Variants in RAD54L2 observed in about 807,000 individuals in gnomAD.
The protein encoded by RAD54L2 is helicase ARIP4.
RAD54L2 carries 27 observed loss-of-function variants against 138.4 expected under a neutral mutation model. The ratio of observed to expected loss-of-function variants is 0.20; its 90% CI spans 0.14 to 0.27. RAD54L2 has a LOEUF of 0.27. Ranked by LOEUF, RAD54L2 falls within the 10% of genes least tolerant of loss-of-function variation. RAD54L2 has a pLI of 1.00. For synonymous variants in RAD54L2, 644 were observed against 723.2 expected, an observed-to-expected ratio of 0.89 and a Z score of 1.76; for missense variants, 1,396 against 1,890.2, an observed-to-expected ratio of 0.74 and a Z score of 4.85.
intron 3 of RAD54L2, among the ~76,000 whole-genome samples, chr3:51,592,763 C>G (rs1216252627): frequency 6.6e-6 from 1 of 152,028 alleles, no homozygotes; most frequent in Non-Finnish European, 1.5e-5. Context: ...TTAGTAGAGA[C>G]AGGGTTTCAC....
At chr3:51,562,641 T>C (rs1699125451) in intron 2 of RAD54L2, among the ~76,000 whole-genome samples, 1 of 152,230 alleles carries the variant, frequency 6.6e-6, no homozygotes, top group Non-Finnish European at 1.5e-5. Flanking sequence ...AGTGCTGGGA[T>C]TACAGGCATG....
At position 51,638,339 on chromosome 3, in the gene RAD54L2, G is replaced by T. The variant is rs1701041533; in HGVS notation, c.1860+18G>T. The T allele has an allele frequency of 6.2e-7, 1 of 1,612,690 alleles. No individual in the cohort carries two copies. The highest frequency in any genetic ancestry group is 1.1e-5 in the South Asian group (1 of 91,018). On this transcript the variant is annotated intron_variant, in intron 12 of 22. Transcript: ENST00000684192. This position sits in a 1 kb window ranked among gnomAD's most constrained non-coding sequence, Gnocchi z 4.3. ...GTTGCAAGGTGCATTGGGGCCTCAG[G>T]GAAGATTGAGATGGGGACTAAGGAT...
At chr3:51,543,540 G>A (rs555324809) in intron 2 of RAD54L2, among the ~76,000 whole-genome samples, 2 of 151,548 alleles carry the variant, frequency 1.3e-5, no homozygotes, top group South Asian at 2.1e-4. Context: ...CCTAGGAGGC[G>A]GAGGTTGCGG....
intron 2 of RAD54L2, among the ~76,000 whole-genome samples, chr3:51,585,014 C>T (rs1206830885): frequency 6.6e-6 from 1 of 151,578 alleles, no homozygotes; most frequent in Non-Finnish European, 1.5e-5. Flanking sequence ...CAAAAAAGCC[C>T]AGCCCAGGCT....
In RAD54L2 at chr3:51,538,909, G is replaced by A. The variant is rs1268058708; in HGVS notation, c.-123G>A. 6.6e-6 allele frequency among the ~76,000 whole-genome samples: 1 copy of A among 152,158 alleles called. No homozygotes were observed. Among genetic ancestry groups the A allele is most frequent in the Non-Finnish European group, 1.5e-5 (1 of 68,008 alleles). ...GTCCGGCGCGGCCCGGAGCCGCGGC[G>A]CAGGAGGTGAGACGCCGGTGCCGGT... On this transcript the variant is annotated 5_prime_UTR_variant, in exon 1 of 23. Coordinates refer to ENST00000684192, the MANE Select transcript of RAD54L2 (RefSeq NM_015106.4).
intron 2 of RAD54L2, among the ~76,000 whole-genome samples, chr3:51,575,588 GTATTT>G (rs930111454): frequency 1.3e-5 from 2 of 152,066 alleles, no homozygotes; most frequent in African/African-American, 4.8e-5. Context: ...GGATTCCTAG[GTATTT>G]TATTCCCTTT....
In RAD54L2 at chr3:51,646,298, A is replaced by T. The variant is rs1007530600; in HGVS notation, c.2843A>T (p.His948Leu). Residue 948 changes from histidine (H) to leucine (L), a missense_variant, in exon 19 of 23, where the codon CAT (histidine) becomes CTT (leucine). Around this residue, in one of 7 missense-constraint regions of RAD54L2, gnomAD observed 634 missense variants for 711.2 expected, o/e 0.89. Coordinates refer to ENST00000684192, the MANE Select transcript of RAD54L2 (RefSeq NM_015106.4). ...PHLITKEPFE[H>L]ESLLLNRKDH... Reference sequence around the variant, plus strand: ...CTGTGTCCCCAGGAGCCTTTCGAGCATGAGTCATTGCTCTTGAACCGAAAG... The same window carrying T: ...CTGTGTCCCCAGGAGCCTTTCGAGCTTGAGTCATTGCTCTTGAACCGAAAG... 1 of 1,590,492 alleles carries T rather than the reference A, an allele frequency of 6.3e-7. No individual in the cohort carries two copies. The highest frequency in any genetic ancestry group is 1.8e-5 in the Admixed American group (1 of 55,614).
At chr3:51,584,342 C>CATTT (rs1699668641) in intron 2 of RAD54L2, among the ~76,000 whole-genome samples, 1 of 152,120 alleles carries the variant, frequency 6.6e-6, no homozygotes, top group South Asian at 2.1e-4. Flanking sequence ...TTCAAATTGC[C>CATTT]AAAATCATCA....
intron 19 of RAD54L2, among the ~76,000 whole-genome samples, chr3:51,654,893 T>C (rs1268730179): frequency 6.6e-6 from 1 of 152,210 alleles, no homozygotes; most frequent in Admixed American, 6.5e-5. Flanking sequence ...ACCCAAATTC[T>C]TAGTCTTAGC....
intron 3 of RAD54L2, among the ~76,000 whole-genome samples, chr3:51,597,866 T>C (rs1327804774): frequency 6.6e-6 from 1 of 151,142 alleles, no homozygotes; most frequent in African/African-American, 2.4e-5. Context: ...AGGCAGGAGA[T>C]TCGCTTAAAC....
intron 3 of RAD54L2, among the ~76,000 whole-genome samples, chr3:51,623,227 A>G (rs1283936126): frequency 6.6e-6 from 1 of 152,206 alleles, no homozygotes; most frequent in Non-Finnish European, 1.5e-5. Flanking sequence ...AGAAACATTC[A>G]TTTTGTGACA....
intron 19 of RAD54L2, among the ~76,000 whole-genome samples, chr3:51,652,305 A>G (rs1701460801): frequency 6.6e-6 from 1 of 152,236 alleles, no homozygotes; most frequent in African/African-American, 2.4e-5. Flanking sequence ...ATAGAAGAAC[A>G]TTCCATGCTC....
chr3:51,573,675 G>A (rs1320880261), intron 2 of RAD54L2, among the ~76,000 whole-genome samples: 1 of 152,012 alleles, frequency 6.6e-6, no homozygotes, highest in Non-Finnish European at 1.5e-5. Flanking sequence ...TTGCCATGTT[G>A]GCCACGCTGG....
intron 2 of RAD54L2, among the ~76,000 whole-genome samples, chr3:51,576,856 C>G (rs1171762010): frequency 3.3e-5 from 5 of 151,910 alleles, no homozygotes; most frequent in African/African-American, 1.2e-4. Flanking sequence ...TCCTTCAGTT[C>G]TGCTCTGATC....
Position 51,619,281 on chromosome 3 carries a change from A to G in RAD54L2, c.140-8272A>G, listed in dbSNP as rs559403370. Among the ~76,000 whole-genome samples, 6 of 151,710 alleles carry G rather than the reference A, an allele frequency of 4.0e-5. No homozygotes were observed. The South Asian group carries it at 1.3e-3, about 32-fold the overall frequency. ...ACCATGTTGGTCAGGCCGGTCTCGA[A>G]CTCCTGACCTCGTGATCCGTCTGCC... On this transcript the variant is annotated intron_variant, in intron 3 of 22. Transcript: ENST00000684192.
chr3:51,569,435 G>A (rs1173785059), intron 2 of RAD54L2, among the ~76,000 whole-genome samples: 3 of 151,354 alleles, frequency 2.0e-5, no homozygotes, highest in African/African-American at 7.3e-5. Flanking sequence ...CCAGGCTGGA[G>A]TGCAGTGGCG....
At position 51,645,154 on chromosome 3, in the gene RAD54L2, A is replaced by G. The variant is rs769987337; in HGVS notation, c.2581A>G (p.Ile861Val). 6.2e-7 allele frequency: 1 copy of G among 1,613,944 alleles called. No individual in the cohort carries two copies. Among genetic ancestry groups the G allele is most frequent in the Non-Finnish European group, 8.5e-7 (1 of 1,179,876 alleles). ...YRYGQKKPCY[I>V]YRLVADYTLE... is the part of the protein sequence containing the mutation. ...TTATGGCCAGAAAAAGCCCTGTTAC[A>G]TCTATCGCCTTGTGGCTGATTACAC... The change falls in exon 17 of 23, where the codon ATC (isoleucine) becomes GTC (valine). Residue 861 changes from isoleucine to valine, a missense_variant. Physicochemically the swap from Ile to Val is conservative, Grantham distance 29. Around this residue, in one of 7 missense-constraint regions of RAD54L2, gnomAD observed 78 missense variants for 171.6 expected, o/e 0.45. Coordinates refer to ENST00000684192, the MANE Select transcript of RAD54L2 (RefSeq NM_015106.4). This position sits in a 1 kb window ranked among gnomAD's most constrained non-coding sequence, Gnocchi z 6.1.
At position 51,667,168 on chromosome 3, in the gene RAD54L2, C is replaced by A. The variant is rs925275976; in HGVS notation, c.*3748C>A. On this transcript the variant is annotated 3_prime_UTR_variant, in exon 23 of 23. Coordinates refer to ENST00000684192, the MANE Select transcript of RAD54L2 (RefSeq NM_015106.4). ...GGATATTACCTTCTGCTTCCCACTT[C>A]CTTTTTTTTTTTTTTGAGACAGAGT... 1 of 150,388 alleles carries A rather than the reference C, an allele frequency of 6.6e-6. No individual in the cohort carries two copies. Among genetic ancestry groups the A allele is most frequent in the East Asian group, 1.9e-4 (1 of 5,174 alleles). The allele number at this position is 150,388 out of a possible 1,614,324, so 9.3% of individuals were successfully genotyped here.
intron 3 of RAD54L2, among the ~76,000 whole-genome samples, chr3:51,600,474 G>T (rs761899291): frequency 6.6e-6 from 1 of 151,928 alleles, no homozygotes; most frequent in Non-Finnish European, 1.5e-5. Flanking sequence ...AATTATCCAG[G>T]CATGGTGTAC....
Sources: allele counts gnomAD v4.1 joint callset (sites outside exome capture counted in the v4.1 genomes callset), GRCh38; gene constraint gnomAD v4.1.1; regional missense constraint gnomAD v4.1.1; non-coding constraint Gnocchi (gnomAD v3.1); transcripts MANE v1.5; gene names NCBI Gene and HGNC (gene_info 2026-07-23, HGNC 2026-07-21).